Variants in LYPLAL1 observed in about 807,000 individuals in gnomAD.
The protein encoded by LYPLAL1 is lysophospholipase-like protein 1.
Under a neutral mutation model 19.7 loss-of-function variants are expected in LYPLAL1, and 23 were observed. The observed-to-expected ratio is 1.17, with a 90% CI of 0.84 to 1.65. The LOEUF (loss-of-function observed/expected upper bound fraction) is 1.65. LYPLAL1 is among the 40% of genes most tolerant of loss of function. The probability of loss-of-function intolerance (pLI) is 0.00; values close to 1 mark genes in which losing one functional copy is unlikely to be tolerated. For synonymous variants in LYPLAL1, 119 were observed against 96.3 expected (o/e 1.24, Z -1.38); for missense variants, 355 against 279.4 (o/e 1.27, Z -1.93).
At chr1:219,325,223 T>C in the LYPLAL1 span, among the ~76,000 whole-genome samples, 1 of 152,210 alleles carries the variant, frequency 6.6e-6, no homozygotes, top group East Asian at 1.9e-4. Flanking sequence ...TACTCACCTC[T>C]TTCCAAAGGC....
chr1:219,325,247 C>T, the LYPLAL1 span, among the ~76,000 whole-genome samples: 4 of 152,122 alleles, frequency 2.6e-5, no homozygotes, highest in Admixed American at 1.3e-4. Context: ...ACTCATAATG[C>T]GTTTCTCAGT....
intron 3 of LYPLAL1, among the ~76,000 whole-genome samples, chr1:219,199,093 G>A (rs1033352401): frequency 6.6e-6 from 1 of 152,088 alleles, no homozygotes; most frequent in African/African-American, 2.4e-5. Flanking sequence ...TCCAAAGTAT[G>A]GTCATTCAGT....
chr1:219,359,607 T>C, the LYPLAL1 span, among the ~76,000 whole-genome samples: 3 of 152,202 alleles, frequency 2.0e-5, no homozygotes, highest in Admixed American at 6.5e-5. Context: ...GATTTAATGA[T>C]CCAATTTCTT....
At chr1:219,405,868 T>C in the LYPLAL1 span, among the ~76,000 whole-genome samples, 1 of 152,186 alleles carries the variant, frequency 6.6e-6, no homozygotes, top group African/African-American at 2.4e-5. Context: ...CAGTCCTGTC[T>C]AATAACCCCT....
chr1:219,178,683 C>T (rs1656015623), intron 1 of LYPLAL1, among the ~76,000 whole-genome samples: 1 of 152,028 alleles, frequency 6.6e-6, no homozygotes, highest in South Asian at 2.1e-4. Flanking sequence ...TTACACTGAA[C>T]ACACATTTTG....
At chr1:219,217,014 T>A (rs1659313857), downstream of LYPLAL1, among the ~76,000 whole-genome samples, 1 of 152,142 alleles carries the variant, frequency 6.6e-6, no homozygotes, top group African/African-American at 2.4e-5. Flanking sequence ...AAAGTAGAAG[T>A]CTCTTCCTTC....
the LYPLAL1 span, among the ~76,000 whole-genome samples, chr1:219,244,687 C>T: frequency 1.3e-5 from 2 of 152,074 alleles, no homozygotes; most frequent in East Asian, 1.9e-4. Flanking sequence ...GGCTTACATC[C>T]GTAATCCCAG....
chr1:219,315,338 A>G, the LYPLAL1 span, among the ~76,000 whole-genome samples: 1 of 152,174 alleles, frequency 6.6e-6, no homozygotes, highest in Non-Finnish European at 1.5e-5. Context: ...TAGGCAATTT[A>G]CAGTTGGCAA....
the LYPLAL1 span, among the ~76,000 whole-genome samples, chr1:219,434,866 T>C: frequency 6.6e-6 from 1 of 151,862 alleles, no homozygotes; most frequent in Non-Finnish European, 1.5e-5. Context: ...CACTCTGTTG[T>C]AACTGAATGT....
the LYPLAL1 span, among the ~76,000 whole-genome samples, chr1:219,244,993 C>A: frequency 6.8e-6 from 1 of 146,054 alleles, no homozygotes; most frequent in African/African-American, 2.5e-5. Context: ...TTTTTCCTTG[C>A]TTCTTTATTC....
At chr1:219,430,335 G>A in the LYPLAL1 span, among the ~76,000 whole-genome samples, 2 of 146,042 alleles carry the variant, frequency 1.4e-5, no homozygotes, top group African/African-American at 5.1e-5. Context: ...CCAGGTTCCA[G>A]ATTCAATTCT....
intron 3 of LYPLAL1, among the ~76,000 whole-genome samples, chr1:219,197,506 A>G (rs926170193): frequency 2.0e-5 from 3 of 152,240 alleles, no homozygotes; most frequent in Admixed American, 6.5e-5. Context: ...GAAATGTAAA[A>G]CCAAAAATTA....
the LYPLAL1 span, among the ~76,000 whole-genome samples, chr1:219,243,614 G>A: frequency 6.6e-6 from 1 of 151,858 alleles, no homozygotes; most frequent in African/African-American, 2.4e-5. Flanking sequence ...ACACATAGCT[G>A]TTTTAAAAAA....
the LYPLAL1 span, among the ~76,000 whole-genome samples, chr1:219,241,134 C>CTCTCTCTCTATATATA: frequency 1.4e-3 from 63 of 44,342 alleles, no homozygotes; most frequent in East Asian, 3.3e-3. Flanking sequence ...CTCTCTCTCT[C>CTCTCTCTCTATATATA]TATATATATA....
At chr1:219,363,690 A>G in the LYPLAL1 span, among the ~76,000 whole-genome samples, 1 of 152,148 alleles carries the variant, frequency 6.6e-6, no homozygotes, top group Non-Finnish European at 1.5e-5. Flanking sequence ...CTTCAAAGTC[A>G]TTTTGAACCA....
At chr1:219,385,050 C>A in the LYPLAL1 span, among the ~76,000 whole-genome samples, 41 of 152,174 alleles carry the variant, frequency 2.7e-4, no homozygotes, top group African/African-American at 9.9e-4. Flanking sequence ...TAATGTTCTG[C>A]AGGTGGTGGT....
intron 4 of LYPLAL1, 52 bp from the exon 5 acceptor site, chr1:219,211,440 G>C (rs1000789252): frequency 8.5e-7 from 1 of 1,173,546 alleles, no homozygotes; most frequent in African/African-American, 1.6e-5. Flanking sequence ...TTCTAAGAAT[G>C]ATCTTAAATG....
the LYPLAL1 span, among the ~76,000 whole-genome samples, chr1:219,381,943 G>A: frequency 3.0e-4 from 46 of 152,308 alleles, 1 homozygote; most frequent in African/African-American, 1.1e-3. Context: ...CCTCTTCTAG[G>A]CAGCTCCCCA....
chr1:219,282,588 A>G, the LYPLAL1 span, among the ~76,000 whole-genome samples: 7 of 152,102 alleles, frequency 4.6e-5, no homozygotes, highest in Non-Finnish European at 1.0e-4. Context: ...GAAGCTTCCA[A>G]AGGGGAGGGG....
Sources: gnomAD v4.1 joint callset for allele counts (sites outside exome capture counted in the v4.1 genomes callset) on GRCh38, gnomAD v4.1.1 for gene constraint, MANE v1.5 for transcripts, NCBI Gene and HGNC (gene_info 2026-07-23, HGNC 2026-07-21) for gene names.